Variants in NHSL2 observed in about 807,000 individuals in gnomAD.
The protein encoded by NHSL2 is NHS-like protein 2.
Under a neutral mutation model 53.4 loss-of-function variants are expected in NHSL2, and 27 were observed. The ratio of observed to expected loss-of-function variants is 0.51; its 90% CI spans 0.37 to 0.70. NHSL2 has a LOEUF of 0.70. Among genes scored for constraint, NHSL2 ranks in the 30% least tolerant of loss-of-function variants. The probability of loss-of-function intolerance (pLI) is 0.00; values close to 1 mark genes in which losing one functional copy is unlikely to be tolerated. For missense variants in NHSL2, 892 were observed against 980.1 expected (o/e 0.91, Z 1.20); for synonymous variants, 408 against 404.1 (o/e 1.01, Z -0.12).
intron 1 of NHSL2, among the ~76,000 whole-genome samples, chrX:71,979,479 T>G (rs1163362382): frequency 9.8e-5 from 11 of 112,156 alleles, no homozygotes; most frequent in Non-Finnish European, 2.1e-4. Context: ...GGTATCTCAT[T>G]GTGGTTTTGA....
At chrX:72,044,549 CAAAGA>C (rs2042294026) in intron 1 of NHSL2, 2 of 767,846 alleles carry the variant, frequency 2.6e-6, no homozygotes, top group Non-Finnish European at 4.0e-6. Flanking sequence ...TCCAAGATGA[CAAAGA>C]AAAGAAGGAA....
chrX:72,033,827 G>A (rs962020426), intron 1 of NHSL2, among the ~76,000 whole-genome samples: 9 of 111,108 alleles, frequency 8.1e-5, no homozygotes, highest in African/African-American at 2.0e-4. Flanking sequence ...TAATTATGTC[G>A]TCTGCAAATA....
At chrX:71,950,670 TC>T (rs1240986248) in intron 1 of NHSL2, among the ~76,000 whole-genome samples, 4 of 112,338 alleles carry the variant, frequency 3.6e-5, no homozygotes, top group African/African-American at 1.3e-4. Context: ...ATGCCATGGC[TC>T]TGCTCCCACT....
chrX:72,098,476 C>T (rs1167850597), intron 1 of NHSL2, among the ~76,000 whole-genome samples: 2 of 108,563 alleles, frequency 1.8e-5, no homozygotes, highest in African/African-American at 6.7e-5. Flanking sequence ...AGCTACTCAG[C>T]TGGCTGAGGC....
intron 1 of NHSL2, among the ~76,000 whole-genome samples, chrX:71,964,045 A>ATATATATATGTGTG (rs1569467158): frequency 2.7e-5 from 2 of 72,757 alleles, no homozygotes; most frequent in African/African-American, 1.4e-4. Context: ...ATATATATGT[A>ATATATATATGTGTG]TATATATATA....
intron 1 of NHSL2, among the ~76,000 whole-genome samples, chrX:71,999,932 T>C (rs980371172): frequency 1.8e-5 from 2 of 112,410 alleles, no homozygotes; most frequent in Non-Finnish European, 3.8e-5. Flanking sequence ...TGGCTATTGA[T>C]ATGTGTTCAG....
At chrX:71,999,567 C>T (rs2042063994) in intron 1 of NHSL2, among the ~76,000 whole-genome samples, 1 of 111,840 alleles carries the variant, frequency 8.9e-6, no homozygotes, top group South Asian at 3.7e-4. Context: ...CAATATGGGT[C>T]CTGGATTGGA....
At chrX:71,960,639 C>T (rs1015153604) in intron 1 of NHSL2, among the ~76,000 whole-genome samples, 1 of 112,346 alleles carries the variant, frequency 8.9e-6, no homozygotes, top group Admixed American at 9.4e-5. Context: ...AGAGACTGTT[C>T]TTTTCCCATT....
intron 1 of NHSL2, among the ~76,000 whole-genome samples, chrX:71,979,357 A>G (rs1290883797): frequency 9.0e-6 from 1 of 111,415 alleles, no homozygotes; most frequent in African/African-American, 3.3e-5. Flanking sequence ...CAATGGTTGA[A>G]CTAGTTTACA....
chrX:71,976,421 A>G, intron 1 of NHSL2, among the ~76,000 whole-genome samples: 1 of 111,930 alleles, frequency 8.9e-6, no homozygotes, highest in Non-Finnish European at 1.9e-5. Flanking sequence ...TGGAATAAGT[A>G]CTCAATAAAT....
At chrX:71,939,826 G>A (rs1330764204) in intron 1 of NHSL2, among the ~76,000 whole-genome samples, 1 of 112,227 alleles carries the variant, frequency 8.9e-6, no homozygotes. Context: ...AGCTATTATA[G>A]GCAACAAGGA....
intron 1 of NHSL2, chrX:72,130,383 T>TTCTTCCTCCTTCTTCATC (rs1162353972): frequency 3.3e-5 from 38 of 1,168,866 alleles, no homozygotes; most frequent in Non-Finnish European, 4.4e-5. Flanking sequence ...TCTTCTTCAT[T>TTCTTCCTCCTTCTTCATC]TCTTCCTCCT....
chrX:71,965,610 T>C (rs2041897611), intron 1 of NHSL2, among the ~76,000 whole-genome samples: 1 of 112,176 alleles, frequency 8.9e-6, no homozygotes, highest in South Asian at 3.7e-4. Flanking sequence ...CCTCTCCATA[T>C]AAACTTTAGA....
chrX:72,099,760 T>A (rs2041976208), intron 1 of NHSL2, among the ~76,000 whole-genome samples: 1 of 112,286 alleles, frequency 8.9e-6, no homozygotes, highest in South Asian at 3.6e-4. Context: ...CTCCAATATA[T>A]CAAAAATAGT....
intron 1 of NHSL2, among the ~76,000 whole-genome samples, chrX:71,921,013 C>T (rs1314844578): frequency 2.8e-5 from 3 of 109,064 alleles, no homozygotes; most frequent in African/African-American, 1.0e-4. Context: ...CCATGTTGGT[C>T]AGGCTGGTCT....
chrX:72,035,002 C>G (rs1479009067), intron 1 of NHSL2, among the ~76,000 whole-genome samples: 2 of 111,621 alleles, frequency 1.8e-5, no homozygotes, highest in South Asian at 3.7e-4. Flanking sequence ...AGATATGAAG[C>G]CTTTCTTCTT....
intron 1 of NHSL2, among the ~76,000 whole-genome samples, chrX:71,917,661 A>G (rs977639088): frequency 3.6e-5 from 4 of 110,951 alleles, no homozygotes; most frequent in African/African-American, 1.3e-4. Flanking sequence ...GACTCAGGAC[A>G]GAGGCTGAGC....
intron 1 of NHSL2, among the ~76,000 whole-genome samples, chrX:72,052,772 G>A (rs1383659916): frequency 8.9e-6 from 1 of 111,752 alleles, no homozygotes. Context: ...CAAATGAAAA[G>A]GGTAGGTGGG....
chrX:71,920,791 G>A (rs1256855661), intron 1 of NHSL2, among the ~76,000 whole-genome samples: 2 of 107,220 alleles, frequency 1.9e-5, no homozygotes, highest in African/African-American at 3.6e-5. Context: ...TGCGAGGTTA[G>A]GTTACATATA....
Sources: allele counts gnomAD v4.1 joint callset (sites outside exome capture counted in the v4.1 genomes callset), GRCh38; gene constraint gnomAD v4.1.1; transcripts MANE v1.5; gene names NCBI Gene and HGNC (gene_info 2026-07-23, HGNC 2026-07-21).